The following IGLON5 variants were observed in gnomAD, a reference collection of about 807,000 sequenced individuals.
The protein encoded by IGLON5 is IgLON family member 5, also known as Ig-like domain-containing protein ENSP00000270642.
Under a neutral mutation model 38.2 loss-of-function variants are expected in IGLON5, and 16 were observed. That is an observed-to-expected ratio of 0.42 (90% CI 0.28 to 0.64). IGLON5 has a LOEUF of 0.64. Among genes scored for constraint, IGLON5 ranks in the 30% least tolerant of loss-of-function variants. IGLON5 has a pLI of 0.23. For synonymous variants in IGLON5, 207 were observed against 216.4 expected, an observed-to-expected ratio of 0.96 and a Z score of 0.38; for missense variants, 366 against 483.4, an observed-to-expected ratio of 0.76 and a Z score of 2.28.
At position 51,320,394 on chromosome 19, in the gene IGLON5, C is replaced by T. The variant is rs575611494; in HGVS notation, c.80-1670C>T. Among the ~76,000 whole-genome samples the T allele has an allele frequency of 2.7e-4, 41 of 152,314 alleles. 2 individuals are homozygous for T. The South Asian group carries it at 8.3e-3, about 31-fold the overall frequency. ...GTCTGGGCTGGGGGCAGGGCAGCCC[C>T]GCGCAGGCCCCTCCCACTCCAGAAG... On this transcript the variant is annotated intron_variant, in intron 1 of 7. Transcript: ENST00000270642.
chr19:51,327,973 G>C lies in IGLON5; in HGVS notation c.922+87G>C. ...GTGGAGACGCCGGGACCGCCCTTCA[G>C]GCTGGCCCTGAACTTAGGAGATGGA... On this transcript the variant is annotated intron_variant, in intron 7 of 7. Coordinates refer to ENST00000270642, the MANE Select transcript of IGLON5 (RefSeq NM_001101372.3). The surrounding 1 kb of genome is among the most constrained non-coding windows in gnomAD (Gnocchi z 7.1). 1.5e-6 allele frequency: 2 copies of C among 1,364,786 alleles called. No individual in the cohort carries two copies. Among genetic ancestry groups the C allele is most frequent in the Non-Finnish European group, 1.9e-6 (2 of 1,038,186 alleles). 84.5% of individuals were successfully genotyped at this position (1,364,786 alleles called of 1,614,324 possible). A position where few individuals can be genotyped will look rare whatever the true frequency, so the allele number is the denominator to read the frequency against.
rs1985078364 is a variant in IGLON5, at chr19:51,322,194, G to C, written c.158+52G>C. 27 of 1,418,892 alleles carry C rather than the reference G, an allele frequency of 1.9e-5. 1 individual carries two copies. The highest frequency in any genetic ancestry group is 2.5e-5 in the Non-Finnish European group (25 of 1,009,380). The allele number at this position is 1,418,892 out of a possible 1,614,324, so 87.9% of individuals were successfully genotyped here. ...AGATCTCATGGAGCCATGCGGTCCT[G>C]CCCCTTCACCTTCCTGGGTGGGGAT... On this transcript the variant is annotated intron_variant, in intron 2 of 7. Transcript: ENST00000270642.
rs879318463 is a variant in IGLON5, at chr19:51,313,645, CTT to C, written c.79+1723_79+1724del. ...TCTTTCTCTTTTTCTCTCTCTCTCT[CTT>C]TTTCTTTCTTTCTTTCTTTCTTTCT... is the stretch of plus-strand genomic sequence containing the variant. On this transcript the variant is annotated intron_variant, in intron 1 of 7. Transcript: ENST00000270642. 4.4e-4 allele frequency among the ~76,000 whole-genome samples: 29 copies of C among 65,852 alleles called. 1 individual carries two copies. The highest frequency in any genetic ancestry group is 2.4e-3 in the African/African-American group (12 of 4,946). 43.2% of individuals were successfully genotyped at this position (65,852 alleles called of 152,430 possible). A position where few individuals can be genotyped will look rare whatever the true frequency, so the allele number is the denominator to read the frequency against.
At chr19:51,319,947 T>C (rs1341633360) in intron 1 of IGLON5, among the ~76,000 whole-genome samples, 1 of 152,090 alleles carries the variant, frequency 6.6e-6, no homozygotes, top group East Asian at 1.9e-4. Context: ...TGTCTGTACC[T>C]CTCTGTCTGG....
At position 51,328,690 on chromosome 19, in the gene IGLON5, C is replaced by T; in HGVS notation, c.942C>T (p.Asn314=). ...MRLLRPGSLE[N]SAPRPPGLLA... ...CCCCAGGCCCAGGATCCCTGGAGAA[C>T]TCAGCCCCGAGGCCCCCAGGGCTCC... The change falls in exon 8 of 8, where the codon AAC becomes AAT. Residue 314 remains asparagine (N), a synonymous_variant. Transcript: ENST00000270642. The T allele has an allele frequency of 6.3e-7, 1 of 1,589,446 alleles. No individual in the cohort carries two copies. The highest frequency in any genetic ancestry group is 8.6e-7 in the Non-Finnish European group (1 of 1,167,872).
At position 51,328,902 on chromosome 19, in the gene IGLON5, G is replaced by A; in HGVS notation, c.*143G>A. ...AGAAGAGAGAGGAGAAGAGGAGGAG[G>A]CAGAGGAAGAAAGATCTTCAGAGAA... On this transcript the variant is annotated 3_prime_UTR_variant, in exon 8 of 8. Transcript: ENST00000270642. 1.8e-6 allele frequency: 1 copy of A among 561,818 alleles called. No homozygotes were observed. The highest frequency in any genetic ancestry group is 3.5e-5 in the Admixed American group (1 of 28,306). 34.8% of individuals were successfully genotyped at this position (561,818 alleles called of 1,614,324 possible). A position where few individuals can be genotyped will look rare whatever the true frequency, so the allele number is the denominator to read the frequency against.
At chr19:51,314,403 C>T (rs10412531) in intron 1 of IGLON5, among the ~76,000 whole-genome samples, 13,873 of 152,072 alleles carry the variant, frequency 0.091, 1,218 homozygotes, top group African/African-American at 0.23. Flanking sequence ...AGGCTGGTTT[C>T]GAACTCCTGA....
At chr19:51,328,573 G>A (rs10407142) in intron 7 of IGLON5, 98 bp from the exon 8 acceptor site, 1 of 552,672 alleles carries the variant, frequency 1.8e-6, no homozygotes, top group Non-Finnish European at 3.2e-6. Flanking sequence ...CAGAAAGGAC[G>A]CTAAAGAGTG....
At chr19:51,317,430 GA>G (rs1251282910) in intron 1 of IGLON5, among the ~76,000 whole-genome samples, 2 of 152,206 alleles carry the variant, frequency 1.3e-5, no homozygotes, top group Non-Finnish European at 2.9e-5. Flanking sequence ...TTCAGGTGGG[GA>G]AACTGAGTCC....
At position 51,327,488 on chromosome 19, in the gene IGLON5, G is replaced by A. The variant is rs1985246739; in HGVS notation, c.768-244G>A. Among the ~76,000 whole-genome samples, 2 of 152,170 alleles carry A rather than the reference G, an allele frequency of 1.3e-5. 1 individual carries two copies. The highest frequency in any genetic ancestry group is 4.1e-4 in the South Asian group (2 of 4,832). ...GGGCAAGATTTAGGGGACCAGCAGA[G>A]TTCAGGAGTCCCTAACGACTAGGGG... On this transcript the variant is annotated intron_variant, in intron 6 of 7. Transcript: ENST00000270642. The surrounding 1 kb of genome is among the most constrained non-coding windows in gnomAD (Gnocchi z 7.1).
intron 1 of IGLON5, among the ~76,000 whole-genome samples, chr19:51,313,238 C>T (rs533226167): frequency 4.6e-5 from 7 of 152,334 alleles, no homozygotes; most frequent in Non-Finnish European, 7.3e-5. Flanking sequence ...CAGTCTGAAT[C>T]GCCCTCTGAC....
chr19:51,319,028 C>T (rs780269569), intron 1 of IGLON5, among the ~76,000 whole-genome samples: 5 of 152,230 alleles, frequency 3.3e-5, no homozygotes, highest in Admixed American at 6.5e-5. Context: ...AGATCAGAAG[C>T]GAGACGCTGC....
Position 51,326,795 on chromosome 19 carries a change from G to T in IGLON5, c.543G>T (p.Glu181Asp). 1.3e-6 allele frequency: 2 copies of T among 1,550,002 alleles called. No individual in the cohort carries two copies. The highest frequency in any genetic ancestry group is 1.7e-6 in the Non-Finnish European group (2 of 1,146,834). Residue 181 changes from glutamate (E) to aspartate (D), a missense_variant, in exon 5 of 8, where the codon GAG (glutamate) becomes GAT (aspartate). Transcript: ENST00000270642. The part of the protein sequence containing the change: ...DGFTSEGEIL[E>D]ISDIQRGQAG... ...TCACCTCGGAGGGAGAGATCCTGGA[G>T]ATCTCTGACATCCAGCGGGGCCAGG...
intron 1 of IGLON5, among the ~76,000 whole-genome samples, chr19:51,314,448 T>G (rs1984863922): frequency 6.6e-6 from 1 of 152,186 alleles, no homozygotes; most frequent in Non-Finnish European, 1.5e-5. Context: ...CCTCCCAAAG[T>G]GCTGGGATTA....
chr19:51,327,834 G>T lies in IGLON5; in HGVS notation c.870G>T (p.Thr290=). ...GCGCCCGGCATTACGGCAACTATAC[G>T]TGTCGCGCCGCCAACCGACTGGGAG... ...NVSARHYGNY[T]CRAANRLGAS... is the part of the protein sequence containing the mutation. Residue 290 remains threonine (T), a synonymous_variant, in exon 7 of 8, where the codon ACG becomes ACT. Coordinates refer to ENST00000270642, the MANE Select transcript of IGLON5 (RefSeq NM_001101372.3). The surrounding 1 kb of genome is among the most constrained non-coding windows in gnomAD (Gnocchi z 7.1). The T allele has an allele frequency of 1.3e-6, 2 of 1,548,372 alleles. No homozygotes were observed. Among genetic ancestry groups the T allele is most frequent in the Non-Finnish European group, 8.7e-7 (1 of 1,146,786 alleles).
rs1312510230 is a variant in IGLON5 at position 51,329,025 on chromosome 19, A to G, written c.*266A>G. On this transcript the variant is annotated 3_prime_UTR_variant, in exon 8 of 8. Coordinates refer to ENST00000270642, the MANE Select transcript of IGLON5 (RefSeq NM_001101372.3). The surrounding 1 kb of genome is among the most constrained non-coding windows in gnomAD (Gnocchi z 4.3). ...GATTGTGACCCACTCCCGCCACCCCATACCCCTCTCTCTTAGCTCAGGCTG... is the reference window on the plus strand; with the variant it reads ...GATTGTGACCCACTCCCGCCACCCCGTACCCCTCTCTCTTAGCTCAGGCTG... 5.5e-6 allele frequency: 2 copies of G among 365,104 alleles called. No homozygotes were observed. Among genetic ancestry groups the G allele is most frequent in the Non-Finnish European group, 1.0e-5 (2 of 199,770 alleles). 22.6% of individuals were successfully genotyped at this position (365,104 alleles called of 1,614,324 possible). A position where few individuals can be genotyped will look rare whatever the true frequency, so the allele number is the denominator to read the frequency against.
chr19:51,327,681 G>T lies in IGLON5; in HGVS notation c.768-51G>T. Reference sequence around the variant, plus strand: ...AACGGAGGAGCCTGAGAGTCGGGGGGCTGGCCTGGCTGGGCGCTGCGGCCC... The same window carrying T: ...AACGGAGGAGCCTGAGAGTCGGGGGTCTGGCCTGGCTGGGCGCTGCGGCCC... On this transcript the variant is annotated intron_variant, in intron 6 of 7. Transcript: ENST00000270642. The surrounding 1 kb of genome is among the most constrained non-coding windows in gnomAD (Gnocchi z 7.1). The T allele has an allele frequency of 1.9e-6, 3 of 1,538,602 alleles. No homozygotes were observed. The highest frequency in any genetic ancestry group is 2.6e-6 in the Non-Finnish European group (3 of 1,148,048).
intron 1 of IGLON5, among the ~76,000 whole-genome samples, chr19:51,319,339 G>A (rs1985000308): frequency 6.6e-6 from 1 of 151,970 alleles, no homozygotes; most frequent in Non-Finnish European, 1.5e-5. Flanking sequence ...GTCCAGCCGT[G>A]TGTGATCTGA....
chr19:51,324,842 AACATCC>A lies in IGLON5; in HGVS notation c.392-501_392-496del, dbSNP rs1271999784. On this transcript the variant is annotated intron_variant, in intron 3 of 7. Coordinates refer to ENST00000270642, the MANE Select transcript of IGLON5 (RefSeq NM_001101372.3). This position sits in a 1 kb window ranked among gnomAD's most constrained non-coding sequence, Gnocchi z 4.2. ...TGACTTAGAATTGATGAAATACAGT[AACATCC>A]ACCCCAGAGGCTGGTAGTGAGCATC... Among the ~76,000 whole-genome samples, 2 of 151,770 alleles carry A rather than the reference AACATCC, an allele frequency of 1.3e-5. No homozygotes were observed. The highest frequency in any genetic ancestry group is 1.3e-4 in the Admixed American group (2 of 15,214).
Sources: gnomAD v4.1 joint callset for allele counts (sites outside exome capture counted in the v4.1 genomes callset) on GRCh38, gnomAD v4.1.1 for gene constraint, Gnocchi (gnomAD v3.1) non-coding constraint, MANE v1.5 for transcripts, NCBI Gene and HGNC (gene_info 2026-07-23, HGNC 2026-07-21) for gene names.